The following PRKG1 variants were observed in gnomAD, a reference collection of about 807,000 sequenced individuals.
PRKG1 encodes protein kinase cGMP-dependent 1.
A neutral mutation model predicts 88.1 loss-of-function variants in PRKG1; 35 were observed. The ratio of observed to expected loss-of-function variants is 0.40; its 90% CI spans 0.30 to 0.53. The LOEUF (loss-of-function observed/expected upper bound fraction) is 0.53. Among genes scored for constraint, PRKG1 ranks in the 20% least tolerant of loss-of-function variants. The pLI, the probability that PRKG1 is intolerant of heterozygous loss-of-function variation, is 0.59. For synonymous variants in PRKG1, 303 were observed against 292.5 expected, an observed-to-expected ratio of 1.04 and a Z score of -0.37; for missense variants, 540 against 839.8, an observed-to-expected ratio of 0.64 and a Z score of 4.41.
Position 52,054,188 on chromosome 10 carries a change from A to G in PRKG1, c.763-296A>G, listed in dbSNP as rs1904008. On this transcript the variant is annotated intron_variant, in intron 5 of 17. Transcript: ENST00000373980. ...AAAAGCAGTCTTGAAAATGAGCATT[A>G]TAGCACACCAGCATGGCACATGCAT... 0.38 allele frequency among the ~76,000 whole-genome samples: 58,269 copies of G among 151,742 alleles called. 11,367 individuals carry two copies. The highest frequency in any genetic ancestry group is 0.44 in the Non-Finnish European group (29,652 of 67,806).
chr10:52,079,307 C>T (rs760506268), intron 7 of PRKG1, among the ~76,000 whole-genome samples: 9 of 151,864 alleles, frequency 5.9e-5, no homozygotes, highest in Non-Finnish European at 8.8e-5. Context: ...TTCATCATAT[C>T]CCAGTATATC....
At chr10:51,377,376 G>A (rs1189320) in intron 2 of PRKG1, among the ~76,000 whole-genome samples, 61,168 of 152,060 alleles carry the variant, frequency 0.4, 12,534 homozygotes, top group South Asian at 0.57. Flanking sequence ...TAGGAGCTCA[G>A]TAAATGAAGG....
intron 10 of PRKG1, among the ~76,000 whole-genome samples, chr10:52,259,076 C>T (rs1841373129): frequency 7.1e-6 from 1 of 141,610 alleles, no homozygotes; most frequent in South Asian, 2.2e-4. Flanking sequence ...GATAGCTGAT[C>T]AGTAGAGTAT....
chr10:51,327,297 A>G (rs1480366104), intron 2 of PRKG1, among the ~76,000 whole-genome samples: 1 of 151,700 alleles, frequency 6.6e-6, no homozygotes, highest in African/African-American at 2.4e-5. Flanking sequence ...TGCAGTTGTA[A>G]TCCCAGCTAC....
intron 1 of PRKG1, among the ~76,000 whole-genome samples, chr10:51,053,530 AC>A (rs1253538930): frequency 6.6e-6 from 1 of 152,016 alleles, no homozygotes; most frequent in Non-Finnish European, 1.5e-5. Flanking sequence ...TACATGCATC[AC>A]CCCCCATGGT....
At position 52,293,919 on chromosome 10, in the gene PRKG1, T is replaced by A. The variant is rs1192531856; in HGVS notation, c.*19T>A. 1.6e-5 allele frequency: 25 copies of A among 1,589,914 alleles called. No individual in the cohort carries two copies. The highest frequency in any genetic ancestry group is 2.1e-5 in the Non-Finnish European group (24 of 1,160,366). On this transcript the variant is annotated 3_prime_UTR_variant, in exon 18 of 18. Transcript: ENST00000373980. ...CTTCTAATGTATTTCTCTTACCTGC[T>A]TCTGCCTTGCTGAAGACAGCTTTTT...
intron 2 of PRKG1, among the ~76,000 whole-genome samples, chr10:51,267,607 C>T (rs1376082645): frequency 1.3e-5 from 2 of 152,112 alleles, no homozygotes; most frequent in Non-Finnish European, 2.9e-5. Context: ...CAGCAAGCCA[C>T]ATGTAGAAGA....
intron 2 of PRKG1, among the ~76,000 whole-genome samples, chr10:51,447,215 C>G (rs1382257706): frequency 6.6e-6 from 1 of 151,840 alleles, no homozygotes; most frequent in Non-Finnish European, 1.5e-5. Flanking sequence ...GTTTTTGAAG[C>G]CAAATGAGAA....
intron 3 of PRKG1, among the ~76,000 whole-genome samples, chr10:51,507,285 A>G (rs1314206456): frequency 6.7e-6 from 1 of 148,990 alleles, no homozygotes; most frequent in Admixed American, 6.9e-5. Context: ...CATGTACCCT[A>G]AAACTTAAAG....
intron 5 of PRKG1, among the ~76,000 whole-genome samples, chr10:52,022,389 T>C (rs1845209297): frequency 6.6e-6 from 1 of 152,228 alleles, no homozygotes; most frequent in African/African-American, 2.4e-5. Flanking sequence ...TGAAAAATGT[T>C]TCAAATATTT....
intron 5 of PRKG1, among the ~76,000 whole-genome samples, chr10:52,015,715 T>C (rs1167958664): frequency 2.0e-5 from 3 of 152,222 alleles, no homozygotes; most frequent in African/African-American, 2.4e-5. Context: ...ATTATCTCTT[T>C]GTAAATGCAT....
intron 2 of PRKG1, among the ~76,000 whole-genome samples, chr10:51,172,711 T>A (rs1837077338): frequency 6.6e-6 from 1 of 151,866 alleles, no homozygotes; most frequent in South Asian, 2.1e-4. Flanking sequence ...TATATTTTGT[T>A]AGGTCATCAT....
Position 51,188,341 on chromosome 10 carries a change from CA to C in PRKG1, c.478+35013del, listed in dbSNP as rs371718211. Among the ~76,000 whole-genome samples the C allele has an allele frequency of 4.5e-4, 69 of 152,036 alleles. 2 individuals are homozygous for C. In the East Asian group the frequency reaches 0.013, roughly 28 times the overall value. On this transcript the variant is annotated intron_variant, in intron 2 of 17. Transcript: ENST00000373980. ...CATGTACTTTTTCCATCTTGACAAA[CA>C]ACTATATACCACAATTATAGGCTAC...
chr10:52,131,453 G>A (rs1837255015), intron 7 of PRKG1, among the ~76,000 whole-genome samples: 1 of 152,048 alleles, frequency 6.6e-6, no homozygotes, highest in Non-Finnish European at 1.5e-5. Context: ...GGATTGAAGA[G>A]ATAAGAAGGG....
At chr10:52,286,695 A>G (rs1259128476) in intron 14 of PRKG1, among the ~76,000 whole-genome samples, 3 of 151,526 alleles carry the variant, frequency 2.0e-5, no homozygotes, top group Non-Finnish European at 4.4e-5. Flanking sequence ...TAGTTAAAAC[A>G]TGTCATTACA....
At chr10:51,181,224 A>ATTTTTTTTTTTTTTT (rs1223588085) in intron 2 of PRKG1, among the ~76,000 whole-genome samples, 6 of 78,288 alleles carry the variant, frequency 7.7e-5, no homozygotes, top group Non-Finnish European at 1.2e-4. Context: ...ATTATATAGA[A>ATTTTTTTTTTTTTTT]TTTTTTTTTT....
upstream of PRKG1, among the ~76,000 whole-genome samples, chr10:51,073,172 C>T (rs977250414): frequency 2.6e-5 from 4 of 152,048 alleles, no homozygotes; most frequent in African/African-American, 9.7e-5. Context: ...GGGAGTGTAA[C>T]ACTTGGATAG....
At chr10:51,241,882 C>CTTTTTGAAATTGGTTCAATGCAAAACCAA (rs1312288672) in intron 2 of PRKG1, among the ~76,000 whole-genome samples, 7 of 151,828 alleles carry the variant, frequency 4.6e-5, no homozygotes, top group Admixed American at 6.6e-5. Flanking sequence ...TTCAAAACTG[C>CTTTTTGAAATTGGTTCAATGCAAAACCAA]TTTATTTGCA....
intron 2 of PRKG1, among the ~76,000 whole-genome samples, chr10:51,356,856 T>A (rs1411271380): frequency 6.6e-6 from 1 of 152,054 alleles, no homozygotes; most frequent in African/African-American, 2.4e-5. Context: ...CCTCTATCGC[T>A]GAACTATTGG....
Sources: gnomAD v4.1 joint callset for allele counts (sites outside exome capture counted in the v4.1 genomes callset) on GRCh38, gnomAD v4.1.1 for gene constraint, MANE v1.5 for transcripts, NCBI Gene and HGNC (gene_info 2026-07-23, HGNC 2026-07-21) for gene names.